The following PLCD3 variants were observed in gnomAD, a reference collection of about 807,000 sequenced individuals.
The protein encoded by PLCD3 is phospholipase C delta 3.
Under a neutral mutation model 82.8 loss-of-function variants are expected in PLCD3, and 62 were observed. The observed-to-expected ratio is 0.75, with a 90% CI of 0.61 to 0.93. The LOEUF (loss-of-function observed/expected upper bound fraction) is 0.93. PLCD3 is among the 40% of genes least tolerant of loss of function. PLCD3 has a pLI of 0.00. For synonymous variants in PLCD3, 478 were observed against 471.8 expected, an observed-to-expected ratio of 1.01 and a Z score of -0.17; for missense variants, 1,023 against 1,103.4, an observed-to-expected ratio of 0.93 and a Z score of 1.03.
Position 45,121,069 on chromosome 17 carries a change from G to A in PLCD3, c.387C>T (p.Phe129=). 1.3e-6 allele frequency: 2 copies of A among 1,542,418 alleles called. No individual in the cohort carries two copies. Among genetic ancestry groups the A allele is most frequent in the Non-Finnish European group, 1.7e-6 (2 of 1,152,438 alleles). ...AGCGCGCTGGCGCGAAGGCACCCCCGAAGCGCCGCAGGCCCTCGGACTGGT... is the reference window on the plus strand; with the variant it reads ...AGCGCGCTGGCGCGAAGGCACCCCCAAAGCGCCGCAGGCCCTCGGACTGGT... The part of the protein sequence containing the change: ...EGHQSEGLRR[F]GGAFAPARCL... The change falls in exon 3 of 15, where the codon TTC becomes TTT. Residue 129 remains phenylalanine, a synonymous_variant. Transcript: ENST00000619929.
Position 45,116,691 on chromosome 17 carries a change from C to A in PLCD3, c.1354G>T (p.Asp452Tyr). Residue 452 changes from aspartate (D) to tyrosine (Y), a missense_variant, in exon 8 of 15, where the codon GAC becomes TAC. Physicochemically the swap from Asp to Tyr is radical, Grantham distance 160. Around this residue, in one of 3 missense-constraint regions of PLCD3, gnomAD observed 553 missense variants for 655.7 expected, o/e 0.84. Transcript: ENST00000619929. ...MARHLCTILG[D>Y]MLVTQALDSP... ...TCCAGCGCCTGTGTCACCAGCATGT[C>A]CCCCAGGATGGTGCAGAGGTGGCGG... The A allele has an allele frequency of 6.2e-7, 1 of 1,610,630 alleles. No homozygotes were observed. Among genetic ancestry groups the A allele is most frequent in the East Asian group, 2.3e-5 (1 of 44,442 alleles).
intron 1 of PLCD3, among the ~76,000 whole-genome samples, chr17:45,128,021 C>T (rs150108850): frequency 4.4e-4 from 67 of 152,194 alleles, no homozygotes; most frequent in African/African-American, 1.3e-3. Context: ...GGCTGTGAGG[C>T]TCTAGGAGAG....
At chr17:45,123,437 C>T (rs2054356652) in intron 1 of PLCD3, among the ~76,000 whole-genome samples, 1 of 152,230 alleles carries the variant, frequency 6.6e-6, no homozygotes, top group African/African-American at 2.4e-5. Context: ...CAGTGCTCAT[C>T]CCAGAGCCAG....
chr17:45,121,446 C>T, intron 1 of PLCD3, 74 bp from the exon 2 acceptor site: 1 of 1,419,014 alleles, frequency 7.0e-7, no homozygotes, highest in Non-Finnish European at 9.2e-7. Flanking sequence ...CCGCTAGGAC[C>T]TGCTGCCCCA....
chr17:45,116,746 G>A lies in PLCD3; in HGVS notation c.1299C>T (p.His433=). Residue 433 remains histidine, a synonymous_variant, in exon 8 of 15, where the codon CAC becomes CAT. Transcript: ENST00000619929. The part of the protein sequence containing the change: ...PYPVILSLEN[H]CGLEQQAAMA... Reference sequence around the variant, plus strand: ...TGGCAGCCTGCTGCTCCAGCCCGCAGTGGTTCTCCAGGGATAGGATGACAG... The same window carrying A: ...TGGCAGCCTGCTGCTCCAGCCCGCAATGGTTCTCCAGGGATAGGATGACAG... 6.2e-7 allele frequency: 1 copy of A among 1,609,484 alleles called. No individual in the cohort carries two copies. The highest frequency in any genetic ancestry group is 8.5e-7 in the Non-Finnish European group (1 of 1,177,560).
chr17:45,112,729 A>G, intron 14 of PLCD3, 25 bp from the exon 15 acceptor site: 2 of 1,595,910 alleles, frequency 1.3e-6, no homozygotes, highest in South Asian at 1.1e-5. Flanking sequence ...GCCAGGCCTC[A>G]GGTCCTCTGT....
Position 45,115,217 on chromosome 17 carries a change from C to A in PLCD3, c.1588G>T (p.Ala530Ser), listed in dbSNP as rs2054279566. The A allele has an allele frequency of 2.5e-6, 4 of 1,572,774 alleles. No homozygotes were observed. The highest frequency in any genetic ancestry group is 3.5e-6 in the Non-Finnish European group (4 of 1,158,068). Reference sequence around the variant, plus strand: ...GTGGCGTGGCAGTACACAGCCAGGGCCGACAGCTCCGGGGAGATCTGCTTG... The same window carrying A: ...GTGGCGTGGCAGTACACAGCCAGGGACGACAGCTCCGGGGAGATCTGCTTG... ...LAKQISPELS[A>S]LAVYCHATRL... Residue 530 changes from alanine (A) to serine (S), a missense_variant, in exon 10 of 15, where the codon GCC becomes TCC. Around this residue, in one of 3 missense-constraint regions of PLCD3, gnomAD observed 553 missense variants for 655.7 expected, o/e 0.84. Transcript: ENST00000619929.
chr17:45,130,797 A>T (rs2054419876), intron 1 of PLCD3, among the ~76,000 whole-genome samples: 1 of 150,650 alleles, frequency 6.6e-6, no homozygotes, highest in Non-Finnish European at 1.5e-5. Context: ...AAAGTCCATG[A>T]CTCTCCAGGG....
intron 14 of PLCD3, 62 bp from the exon 15 acceptor site, chr17:45,112,766 G>A: frequency 6.3e-7 from 1 of 1,590,102 alleles, no homozygotes; most frequent in Admixed American, 1.8e-5. Context: ...GCCCAGCCCG[G>A]GCCTGCTTCA....
intron 1 of PLCD3, among the ~76,000 whole-genome samples, chr17:45,124,642 C>T (rs191580547): frequency 1.6e-3 from 240 of 152,342 alleles, no homozygotes; most frequent in African/African-American, 5.6e-3. Context: ...CTGCGAGGAC[C>T]GTGGCTCTCC....
In PLCD3 at chr17:45,132,097, C is replaced by G; in HGVS notation, c.163+151G>C. The G allele has an allele frequency of 1.3e-5, 12 of 899,822 alleles. No individual in the cohort carries two copies. The highest frequency in any genetic ancestry group is 1.7e-5 in the Non-Finnish European group (12 of 686,380). The allele number at this position is 899,822 out of a possible 1,614,324, so 55.7% of individuals were successfully genotyped here. A position where few individuals can be genotyped will look rare whatever the true frequency, so the allele number is the denominator to read the frequency against. On this transcript the variant is annotated intron_variant, in intron 1 of 14. Coordinates refer to ENST00000619929, the MANE Select transcript of PLCD3 (RefSeq NM_133373.5). The surrounding 1 kb of genome is among the most constrained non-coding windows in gnomAD (Gnocchi z 4.6). ...CCCTCGGATGACCCCAGGTGCGACC[C>G]CCAGCTGGAGGGAGCTGGCCCTCCG...
chr17:45,118,342 T>C lies in PLCD3; in HGVS notation c.1064A>G (p.Tyr355Cys). The change falls in exon 6 of 15, where the codon TAT (tyrosine) becomes TGT (cysteine). Residue 355 changes from tyrosine to cysteine, a missense_variant. Tyr to Cys is a radical substitution (Grantham distance 194). This residue lies in a region of PLCD3 where 553 missense variants were observed against 655.7 expected (regional missense o/e 0.84). Transcript: ENST00000619929. The surrounding 1 kb of genome is among the most constrained non-coding windows in gnomAD (Gnocchi z 4.1). Reference sequence around the variant, plus strand: ...CCCCCCGATCTGGGAGTCAGTCAGATAGGTGTTGTGGGAGGAAGAGATGAA... The same window carrying C: ...CCCCCCGATCTGGGAGTCAGTCAGACAGGTGTTGTGGGAGGAAGAGATGAA... ...HYFISSSHNT[Y>C]LTDSQIGGPS... 1 of 1,613,982 alleles carries C rather than the reference T, an allele frequency of 6.2e-7. No individual in the cohort carries two copies. Among genetic ancestry groups the C allele is most frequent in the Non-Finnish European group, 8.5e-7 (1 of 1,179,882 alleles).
Position 45,112,295 on chromosome 17 carries a change from T to C in PLCD3, c.*321A>G. 2.8e-6 allele frequency: 1 copy of C among 361,000 alleles called. No homozygotes were observed. The highest frequency in any genetic ancestry group is 5.3e-6 in the Non-Finnish European group (1 of 190,320). The allele number at this position is 361,000 out of a possible 1,614,324, so 22.4% of individuals were successfully genotyped here. The stretch of plus-strand genomic sequence containing the variant: ...AACTGAGGGCCCACAAGTGTCCTGC[T>C]CCCCAAGTCTCCTGGCAGCAACAGG... On this transcript the variant is annotated 3_prime_UTR_variant, in exon 15 of 15. Transcript: ENST00000619929.
In PLCD3 at chr17:45,113,180, C is replaced by T. The variant is rs995600222; in HGVS notation, c.2073G>A (p.Glu691=). 67 of 1,612,618 alleles carry T rather than the reference C, an allele frequency of 4.2e-5. No individual in the cohort carries two copies. Among genetic ancestry groups the T allele is most frequent in the Non-Finnish European group, 5.6e-5 (66 of 1,179,444 alleles). Residue 691 remains glutamate (E), a synonymous_variant, in exon 13 of 15, where the codon GAG becomes GAA. Coordinates refer to ENST00000619929, the MANE Select transcript of PLCD3 (RefSeq NM_133373.5). ...HSIVDPLVRI[E]IHGVPADCAR... ...CACAGTCTGCGGGCACCCCATGGAT[C>T]TCAATGCGCACCAGGGGGTCCACAA...
chr17:45,118,527 T>A lies in PLCD3; in HGVS notation c.914-35A>T. On this transcript the variant is annotated intron_variant, in intron 5 of 14. Transcript: ENST00000619929. This position sits in a 1 kb window ranked among gnomAD's most constrained non-coding sequence, Gnocchi z 4.1. The stretch of plus-strand genomic sequence containing the variant: ...TGGCAGGAGAGGGCATCAGGCCACA[T>A]AGGGATCCCCCATGTCCAGCTTCCA... 6.2e-7 allele frequency: 1 copy of A among 1,610,058 alleles called. No individual in the cohort carries two copies. Among genetic ancestry groups the A allele is most frequent in the Non-Finnish European group, 8.5e-7 (1 of 1,177,462 alleles).
intron 1 of PLCD3, among the ~76,000 whole-genome samples, chr17:45,131,151 C>G (rs960914901): frequency 1.3e-5 from 2 of 152,200 alleles, no homozygotes; most frequent in Non-Finnish European, 2.9e-5. Flanking sequence ...ACCAGAGTGC[C>G]AGGCACAGCG....
Position 45,112,381 on chromosome 17 carries a change from C to G in PLCD3, c.*235G>C, listed in dbSNP as rs2054249742. On this transcript the variant is annotated 3_prime_UTR_variant, in exon 15 of 15. Transcript: ENST00000619929. ...AGGACAAGAGGAGCTGGGGCCATCT[C>G]AGGGCCCCAGGGTTGGAGCTCACTG... 1.8e-6 allele frequency: 1 copy of G among 562,300 alleles called. No individual in the cohort carries two copies. The highest frequency in any genetic ancestry group is 2.0e-5 in the South Asian group (1 of 49,248). The allele number at this position is 562,300 out of a possible 1,614,324, so 34.8% of individuals were successfully genotyped here. A position where few individuals can be genotyped will look rare whatever the true frequency, so the allele number is the denominator to read the frequency against.
At chr17:45,112,839 C>G in intron 14 of PLCD3, 24 bp downstream of exon 14, 1 of 1,610,882 alleles carries the variant, frequency 6.2e-7, no homozygotes, top group Non-Finnish European at 8.5e-7. Flanking sequence ...ACATCCCTCT[C>G]CATCCCCACC....
At chr17:45,124,202 C>T (rs368250116) in intron 1 of PLCD3, among the ~76,000 whole-genome samples, 10 of 152,174 alleles carry the variant, frequency 6.6e-5, no homozygotes, top group East Asian at 5.8e-4. Context: ...TGACTAAGGC[C>T]GGAAATGGGG....
Sources: allele counts gnomAD v4.1 joint callset (sites outside exome capture counted in the v4.1 genomes callset), GRCh38; gene constraint gnomAD v4.1.1; regional missense constraint gnomAD v4.1.1; non-coding constraint Gnocchi (gnomAD v3.1); transcripts MANE v1.5; gene names NCBI Gene and HGNC (gene_info 2026-07-23, HGNC 2026-07-21).